COLQ: variants seen among roughly 807,000 people sequenced by gnomAD.
COLQ encodes the protein collagen like tail subunit of asymmetric acetylcholinesterase, also known as acetylcholinesterase collagenic tail peptide.
A neutral mutation model predicts 69.0 loss-of-function variants in COLQ; 48 were observed. The ratio of observed to expected loss-of-function variants is 0.70; its 90% CI spans 0.55 to 0.88. The LOEUF is 0.88. Among genes scored for constraint, COLQ ranks in the 40% least tolerant of loss-of-function variants. The pLI is 0.00. For synonymous variants in COLQ, 217 were observed against 211.2 expected (o/e 1.03, Z -0.24); for missense variants, 618 against 594.6 (o/e 1.04, Z -0.41).
intron 5 of COLQ, 91 bp downstream of exon 5, chr3:15,478,886 G>A: frequency 6.8e-7 from 1 of 1,477,334 alleles, no homozygotes; most frequent in South Asian, 1.1e-5. Flanking sequence ...GACCACTGAA[G>A]TGCATTGCTG....
rs9877336 is a variant in COLQ at position 15,476,869 on chromosome 3, A to G, written c.465+257T>C. Among the ~76,000 whole-genome samples, 8,788 of 152,248 alleles carry G rather than the reference A, an allele frequency of 0.058. 419 individuals carry two copies. The highest frequency in any genetic ancestry group is 0.12 in the African/African-American group (5,106 of 41,540). ...GGTGCTAGTTCCTAGGACAAAGGAG[A>G]ACCACGGCCCCTGTAGAAGAGGGTA... is the stretch of plus-strand genomic sequence containing the variant. On this transcript the variant is annotated intron_variant, in intron 6 of 16. Transcript: ENST00000383788.
In COLQ at chr3:15,521,688, C is replaced by T; in HGVS notation, c.-63G>A. ...GGCTGCTGCGGAGCCTTGCTTATCT[C>T]TGCTTTTCTCTTCCTCACTGCTGTT... On this transcript the variant is annotated 5_prime_UTR_variant, in exon 1 of 17. Coordinates refer to ENST00000383788, the MANE Select transcript of COLQ (RefSeq NM_005677.4). 5 of 1,605,238 alleles carry T rather than the reference C, an allele frequency of 3.1e-6. No individual in the cohort carries two copies. The highest frequency in any genetic ancestry group is 3.4e-6 in the Non-Finnish European group (4 of 1,176,392).
Position 15,462,325 on chromosome 3 carries a change from C to T in COLQ, c.815-4000G>A, listed in dbSNP as rs182064833. On this transcript the variant is annotated intron_variant, in intron 12 of 16. Coordinates refer to ENST00000383788, the MANE Select transcript of COLQ (RefSeq NM_005677.4). The stretch of plus-strand genomic sequence containing the variant: ...GATTACAGGCGTAAGCCACCGCGCC[C>T]GGCTGAATATCTCTTTTTAACTCCT... 4.4e-3 allele frequency among the ~76,000 whole-genome samples: 669 copies of T among 152,256 alleles called. 5 individuals carry two copies. The highest frequency in any genetic ancestry group is 7.0e-3 in the Non-Finnish European group (478 of 68,022).
intron 1 of COLQ, among the ~76,000 whole-genome samples, chr3:15,512,401 A>G (rs2125181952): frequency 6.6e-6 from 1 of 152,300 alleles, no homozygotes; most frequent in African/African-American, 2.4e-5. Flanking sequence ...GCGGGCTTGA[A>G]TGGAGCTAAA....
chr3:15,477,272 G>C, intron 5 of COLQ, 75 bp from the exon 6 acceptor site: 1 of 1,389,390 alleles, frequency 7.2e-7, no homozygotes, highest in Non-Finnish European at 1.0e-6. Context: ...TTTGTCTCTG[G>C]GGCCCAGAGG....
intron 1 of COLQ, among the ~76,000 whole-genome samples, chr3:15,508,476 T>C (rs539323951): frequency 4.6e-5 from 7 of 152,348 alleles, no homozygotes; most frequent in African/African-American, 1.7e-4. Flanking sequence ...TCCAACCATT[T>C]GTATAACAAG....
chr3:15,451,207 G>C lies in COLQ; in HGVS notation c.*437C>G. ...ACAGCGGGCTGCCCAGTGTGAGTGA[G>C]AATGCCTGCACGTTTCGGTGGTCAG... On this transcript the variant is annotated 3_prime_UTR_variant, in exon 17 of 17. Transcript: ENST00000383788. The C allele has an allele frequency of 4.0e-6, 1 of 248,224 alleles. No homozygotes were observed. Among genetic ancestry groups the C allele is most frequent in the East Asian group, 9.1e-5 (1 of 10,980 alleles). 15.4% of individuals were successfully genotyped at this position (248,224 alleles called of 1,614,324 possible).
chr3:15,451,308 C>T lies in COLQ; in HGVS notation c.*336G>A. On this transcript the variant is annotated 3_prime_UTR_variant, in exon 17 of 17. Transcript: ENST00000383788. ...AAACAGCCTGCAGGTCTGTGTGTGT[C>T]TAACAGTGCTCAGCCAAGTCCACGG... The T allele has an allele frequency of 2.2e-6, 1 of 452,636 alleles. No individual in the cohort carries two copies. The highest frequency in any genetic ancestry group is 4.1e-6 in the Non-Finnish European group (1 of 241,206). 28.0% of individuals were successfully genotyped at this position (452,636 alleles called of 1,614,324 possible). A position where few individuals can be genotyped will look rare whatever the true frequency, so the allele number is the denominator to read the frequency against.
At position 15,451,219 on chromosome 3, in the gene COLQ, G is replaced by A. The variant is rs886058096; in HGVS notation, c.*425C>T. ...CCAGTGTGAGTGAGAATGCCTGCAC[G>A]TTTCGGTGGTCAGGGGCGGAGAGGC... On this transcript the variant is annotated 3_prime_UTR_variant, in exon 17 of 17. Coordinates refer to ENST00000383788, the MANE Select transcript of COLQ (RefSeq NM_005677.4). 1.5e-5 allele frequency: 4 copies of A among 262,312 alleles called. No individual in the cohort carries two copies. The highest frequency in any genetic ancestry group is 1.5e-5 in the Non-Finnish European group (2 of 131,760). 16.2% of individuals were successfully genotyped at this position (262,312 alleles called of 1,614,324 possible).
intron 1 of COLQ, among the ~76,000 whole-genome samples, chr3:15,499,355 C>A (rs1166558889): frequency 2.0e-5 from 3 of 152,158 alleles, no homozygotes; most frequent in Admixed American, 2.0e-4. Context: ...GCAATAAGCA[C>A]TGTTGTTTTG....
At position 15,510,181 on chromosome 3, in the gene COLQ, A is replaced by C. The variant is rs181049783; in HGVS notation, c.106+11339T>G. Among the ~76,000 whole-genome samples the C allele has an allele frequency of 2.7e-3, 405 of 152,240 alleles. 7 individuals are homozygous for C. The highest frequency in any genetic ancestry group is 0.022 in the Admixed American group (335 of 15,288). On this transcript the variant is annotated intron_variant, in intron 1 of 16. Transcript: ENST00000383788. Reference sequence around the variant, plus strand: ...ACAGAGCGAGACTCTGTCTAAAAAAAAAAAAAGCAGATGGGATGATAGTGG... The same window carrying C: ...ACAGAGCGAGACTCTGTCTAAAAAACAAAAAAGCAGATGGGATGATAGTGG...
At chr3:15,462,766 T>C (rs189911255) in intron 12 of COLQ, among the ~76,000 whole-genome samples, 1 of 152,138 alleles carries the variant, frequency 6.6e-6, no homozygotes, top group African/African-American at 2.4e-5. Flanking sequence ...TCCATCCTGT[T>C]AGGGGCCAAG....
intron 1 of COLQ, among the ~76,000 whole-genome samples, chr3:15,498,087 G>A (rs2062773438): frequency 6.6e-6 from 1 of 152,152 alleles, no homozygotes; most frequent in Admixed American, 6.5e-5. Context: ...ACTCAAGAGT[G>A]ATGGAGACTG....
chr3:15,495,641 C>T (rs1207484451), intron 1 of COLQ, among the ~76,000 whole-genome samples: 2 of 152,184 alleles, frequency 1.3e-5, no homozygotes, highest in Non-Finnish European at 1.5e-5. Flanking sequence ...TCTGTGACAT[C>T]GCTTCTGTGT....
intron 11 of COLQ, among the ~76,000 whole-genome samples, chr3:15,469,138 C>G (rs1004213140): frequency 2.6e-5 from 4 of 152,292 alleles, no homozygotes; most frequent in African/African-American, 7.2e-5. Context: ...TTCACAATGT[C>G]TTGTCGAAAG....
rs868052246 is a variant in COLQ, at chr3:15,514,309, C to A, written c.106+7211G>T. ...CAGAGGCTCTTACAGCATGGTCCAC[C>A]GACCAGCAGCATCACACTCTTGGGC... is the stretch of plus-strand genomic sequence containing the variant. On this transcript the variant is annotated intron_variant, in intron 1 of 16. Coordinates refer to ENST00000383788, the MANE Select transcript of COLQ (RefSeq NM_005677.4). 1.3e-4 allele frequency among the ~76,000 whole-genome samples: 20 copies of A among 151,660 alleles called. 1 individual carries two copies. The highest frequency in any genetic ancestry group is 3.2e-3 in the Middle Eastern group (1 of 316).
intron 10 of COLQ, among the ~76,000 whole-genome samples, 183 bp from the exon 11 acceptor site, chr3:15,470,799 C>T (rs2062270805): frequency 1.3e-5 from 2 of 152,120 alleles, no homozygotes; most frequent in Admixed American, 6.6e-5. Flanking sequence ...ACATGTCTTT[C>T]ATGGAAGAGG....
chr3:15,475,983 C>T (rs2062372880), intron 6 of COLQ, among the ~76,000 whole-genome samples: 1 of 152,128 alleles, frequency 6.6e-6, no homozygotes, highest in Non-Finnish European at 1.5e-5. Flanking sequence ...TAAGGTGAGC[C>T]ACATACTTAA....
chr3:15,465,450 T>C (rs1246263073), intron 12 of COLQ, among the ~76,000 whole-genome samples: 1 of 150,424 alleles, frequency 6.6e-6, no homozygotes, highest in Non-Finnish European at 1.5e-5. Flanking sequence ...GTATTTTTAG[T>C]AGAGATGGGG....
Sources: allele counts gnomAD v4.1 joint callset (sites outside exome capture counted in the v4.1 genomes callset), GRCh38; gene constraint gnomAD v4.1.1; transcripts MANE v1.5; gene names NCBI Gene and HGNC (gene_info 2026-07-23, HGNC 2026-07-21).